TMCC1: variants seen among roughly 807,000 people sequenced by gnomAD.
TMCC1 encodes transmembrane and coiled-coil domains protein 1.
In TMCC1, 15 loss-of-function variants were observed where a neutral mutation model predicts 52.4. That is an observed-to-expected ratio of 0.29 (90% CI 0.19 to 0.44). The LOEUF (loss-of-function observed/expected upper bound fraction) is 0.44, where lower values mean the gene tolerates loss of function less well. Among genes scored for constraint, TMCC1 ranks in the 20% least tolerant of loss-of-function variants. The probability of loss-of-function intolerance (pLI) is 1.00; values close to 1 mark genes in which losing one functional copy is unlikely to be tolerated. For synonymous variants in TMCC1, 279 were observed against 301.9 expected, an observed-to-expected ratio of 0.92 and a Z score of 0.79; for missense variants, 503 against 806.0, an observed-to-expected ratio of 0.62 and a Z score of 4.55.
chr3:129,761,990 CA>C (rs1179793010), intron 4 of TMCC1, among the ~76,000 whole-genome samples: 42 of 76,044 alleles, frequency 5.5e-4, no homozygotes, highest in African/African-American at 1.7e-3. Context: ...GACTCTGTCT[CA>C]AAAAAAAAAA....
rs890687912 is a variant in TMCC1, at chr3:129,651,415, T to C, written c.*66A>G. 25 of 1,502,774 alleles carry C rather than the reference T, an allele frequency of 1.7e-5. No individual in the cohort carries two copies. The African/African-American group carries it at 3.3e-4, about 20-fold the overall frequency. 93.1% of individuals were successfully genotyped at this position (1,502,774 alleles called of 1,614,324 possible). A position where few individuals can be genotyped will look rare whatever the true frequency, so the allele number is the denominator to read the frequency against. On this transcript the variant is annotated 3_prime_UTR_variant, in exon 7 of 7. Transcript: ENST00000393238. The surrounding 1 kb of genome is among the most constrained non-coding windows in gnomAD (Gnocchi z 5.1). ...TGTAGAAAACTTCAGAGTAGGTAAG[T>C]TGCTGTCTAACTCTCTGCTGCATGC...
chr3:129,706,062 T>G (rs1465420797), intron 4 of TMCC1, among the ~76,000 whole-genome samples: 1 of 151,500 alleles, frequency 6.6e-6, no homozygotes, highest in African/African-American at 2.4e-5. Context: ...GGCTAATTTT[T>G]GCATTTTTAG....
At chr3:129,684,518 A>G (rs942574671) in intron 4 of TMCC1, among the ~76,000 whole-genome samples, 2 of 152,156 alleles carry the variant, frequency 1.3e-5, no homozygotes, top group African/African-American at 4.8e-5. Flanking sequence ...AAATGCCAAC[A>G]ATGACCTCAC....
intron 2 of TMCC1, among the ~76,000 whole-genome samples, chr3:129,844,950 G>A (rs574599592): frequency 9.9e-4 from 151 of 152,278 alleles, no homozygotes; most frequent in African/African-American, 3.4e-3. Flanking sequence ...CAATCTGTCT[G>A]AAAAGCACAT....
intron 4 of TMCC1, among the ~76,000 whole-genome samples, chr3:129,809,364 C>T (rs913870738): frequency 6.6e-6 from 1 of 151,838 alleles, no homozygotes; most frequent in Admixed American, 6.6e-5. Flanking sequence ...GTTTCATACT[C>T]CTAGTGTTGG....
At chr3:129,791,011 T>C (rs891357865) in intron 4 of TMCC1, among the ~76,000 whole-genome samples, 8 of 152,156 alleles carry the variant, frequency 5.3e-5, no homozygotes, top group African/African-American at 1.9e-4. Flanking sequence ...TACACAAGTT[T>C]ATTTATTGTT....
chr3:129,704,431 T>C (rs913795352), intron 4 of TMCC1, among the ~76,000 whole-genome samples: 3 of 152,198 alleles, frequency 2.0e-5, no homozygotes, highest in African/African-American at 7.2e-5. Context: ...TATTTGTTTA[T>C]TTTTTGAGAC....
intron 4 of TMCC1, chr3:129,688,282 A>G (rs949161730): frequency 6.1e-6 from 6 of 985,146 alleles, no homozygotes; most frequent in Non-Finnish European, 7.2e-6. Flanking sequence ...AAAAATCACA[A>G]CCTCTCTTGG....
intron 4 of TMCC1, among the ~76,000 whole-genome samples, chr3:129,759,478 G>C (rs987480214): frequency 2.6e-5 from 4 of 151,794 alleles, no homozygotes; most frequent in African/African-American, 9.7e-5. Flanking sequence ...ATGTTAGCCA[G>C]GCTGGTCTCG....
intron 4 of TMCC1, among the ~76,000 whole-genome samples, chr3:129,772,345 AAAAAG>A (rs1341818808): frequency 6.6e-6 from 1 of 152,026 alleles, no homozygotes; most frequent in Non-Finnish European, 1.5e-5. Flanking sequence ...GTGTCTCAAA[AAAAAG>A]AAAAGAAAAT....
At chr3:129,720,181 CAAAA>C (rs765678095) in intron 4 of TMCC1, among the ~76,000 whole-genome samples, 5 of 58,686 alleles carry the variant, frequency 8.5e-5, no homozygotes, top group Admixed American at 2.0e-4. Flanking sequence ...GACCCTGTCT[CAAAA>C]AAAAAAAAAA....
At chr3:129,686,303 T>C (rs1362491876) in intron 4 of TMCC1, among the ~76,000 whole-genome samples, 2 of 152,156 alleles carry the variant, frequency 1.3e-5, no homozygotes, top group Admixed American at 1.3e-4. Flanking sequence ...GGTTTCTCCA[T>C]GTTGGTCAGG....
At chr3:129,800,909 C>A (rs1373697057) in intron 4 of TMCC1, among the ~76,000 whole-genome samples, 1 of 149,246 alleles carries the variant, frequency 6.7e-6, no homozygotes, top group Non-Finnish European at 1.5e-5. Flanking sequence ...TTTTCCCTCT[C>A]TGCACATCTC....
chr3:129,887,542 C>CAAAAAAAAAAAAAAA (rs368045992), intron 1 of TMCC1, among the ~76,000 whole-genome samples: 1 of 91,332 alleles, frequency 1.1e-5, no homozygotes, highest in Non-Finnish European at 2.2e-5. Flanking sequence ...CTCCGTCTCT[C>CAAAAAAAAAAAAAAA]AAAAAAAAAA....
At chr3:129,884,501 A>T (rs936584519) in intron 1 of TMCC1, among the ~76,000 whole-genome samples, 1 of 152,106 alleles carries the variant, frequency 6.6e-6, no homozygotes, top group African/African-American at 2.4e-5. Flanking sequence ...CATATCTTCC[A>T]ACATGCTTGT....
At chr3:129,865,670 G>C (rs1347220678) in intron 2 of TMCC1, among the ~76,000 whole-genome samples, 2 of 152,074 alleles carry the variant, frequency 1.3e-5, no homozygotes, top group African/African-American at 2.4e-5. Context: ...ATAAACGAGT[G>C]AATGAGTGAA....
At chr3:129,792,501 C>T (rs1302685630) in intron 4 of TMCC1, among the ~76,000 whole-genome samples, 1 of 152,090 alleles carries the variant, frequency 6.6e-6, no homozygotes, top group Non-Finnish European at 1.5e-5. Context: ...CAGGCACGCA[C>T]CACCATGCCC....
At chr3:129,869,389 C>A (rs900458119) in intron 2 of TMCC1, among the ~76,000 whole-genome samples, 1 of 152,100 alleles carries the variant, frequency 6.6e-6, no homozygotes, top group African/African-American at 2.4e-5. Context: ...TAAGTGTTTT[C>A]CTGAGTTCTA....
intron 4 of TMCC1, among the ~76,000 whole-genome samples, chr3:129,731,151 G>T (rs1350131232): frequency 6.6e-6 from 1 of 152,208 alleles, no homozygotes; most frequent in African/African-American, 2.4e-5. Flanking sequence ...TTTGTATCAG[G>T]AATGCAATGC....
Sources: allele counts gnomAD v4.1 joint callset (sites outside exome capture counted in the v4.1 genomes callset), GRCh38; gene constraint gnomAD v4.1.1; non-coding constraint Gnocchi (gnomAD v3.1); transcripts MANE v1.5; gene names NCBI Gene and HGNC (gene_info 2026-07-23, HGNC 2026-07-21).